Variants in XRN1 observed in about 807,000 individuals in gnomAD.
XRN1 encodes 5'-3' exoribonuclease 1.
Under a neutral mutation model 222.3 loss-of-function variants are expected in XRN1, and 67 were observed. The ratio of observed to expected loss-of-function variants is 0.30; its 90% confidence interval spans 0.25 to 0.37. The LOEUF (loss-of-function observed/expected upper bound fraction) is 0.37, where lower values mean the gene tolerates loss of function less well. XRN1 is among the 10% of genes least tolerant of loss of function. The pLI is 1.00. For missense variants in XRN1, 1,707 were observed against 2,000.2 expected, an observed-to-expected ratio of 0.85 and a Z score of 2.80; for synonymous variants, 643 against 652.4, an observed-to-expected ratio of 0.99 and a Z score of 0.22.
intron 24 of XRN1, 109 bp from the exon 25 acceptor site, chr3:142,376,053 A>G: frequency 6.4e-6 from 9 of 1,396,990 alleles, no homozygotes; most frequent in Non-Finnish European, 8.3e-6. Flanking sequence ...CAATTCTTAG[A>G]AAAGCTCAGT....
At chr3:142,326,454 G>A (rs963391011) in intron 37 of XRN1, among the ~76,000 whole-genome samples, 6 of 152,068 alleles carry the variant, frequency 3.9e-5, no homozygotes, top group Admixed American at 3.3e-4. Context: ...TTCTTTTTCA[G>A]ATTGTTTGCT....
chr3:142,383,523 T>C, intron 21 of XRN1, 110 bp from the exon 22 acceptor site: 1 of 898,938 alleles, frequency 1.1e-6, no homozygotes, highest in African/African-American at 1.7e-5. Flanking sequence ...AATGTGAAGA[T>C]TTTTCTACAT....
At chr3:142,329,697 G>A in intron 36 of XRN1, 82 bp from the exon 37 acceptor site, 1 of 1,343,900 alleles carries the variant, frequency 7.4e-7, no homozygotes, top group Non-Finnish European at 9.9e-7. Context: ...TTTTATAGAA[G>A]AGCAAGCAGG....
Position 142,417,030 on chromosome 3 carries a change from A to T in XRN1, c.1436+110T>A. 5 of 805,520 alleles carry T rather than the reference A, an allele frequency of 6.2e-6. No homozygotes were observed. The South Asian group carries it at 1.1e-4, about 18-fold the overall frequency. The allele number at this position is 805,520 out of a possible 1,614,324, so 49.9% of individuals were successfully genotyped here. ...GGCAACAGAGTGAAAAAAAAAAAAA[A>T]AAAAAAATTACCATAAGTAGAAATA... is the stretch of plus-strand genomic sequence containing the variant. On this transcript the variant is annotated intron_variant, in intron 13 of 40. Transcript: ENST00000392981.
intron 1 of XRN1, among the ~76,000 whole-genome samples, chr3:142,437,283 A>T (rs1045434493): frequency 1.3e-5 from 2 of 152,156 alleles, no homozygotes; most frequent in Admixed American, 6.5e-5. Flanking sequence ...AACATCCAAA[A>T]TGTTTCTAGA....
At position 142,421,226 on chromosome 3, in the gene XRN1, C is replaced by T. The variant is rs1274658562; in HGVS notation, c.1036-73G>A. The stretch of plus-strand genomic sequence containing the variant: ...AGAAGAATACAAATCAAACTTAAAA[C>T]AGTGACTACTACTGGGGTATAGGAA... On this transcript the variant is annotated intron_variant, in intron 9 of 40. Coordinates refer to ENST00000392981, the MANE Select transcript of XRN1 (RefSeq NM_001282857.2). The T allele has an allele frequency of 5.9e-6, 8 of 1,353,102 alleles. No homozygotes were observed. In the Admixed American group the frequency reaches 8.6e-5, roughly 14 times the overall value. The allele number at this position is 1,353,102 out of a possible 1,614,324, so 83.8% of individuals were successfully genotyped here.
rs79175830 is a variant in XRN1, at chr3:142,314,661, T to C, written c.4622-1903A>G. 3.9e-5 allele frequency among the ~76,000 whole-genome samples: 6 copies of C among 151,996 alleles called. No homozygotes were observed. The East Asian group carries it at 1.2e-3, about 30-fold the overall frequency. On this transcript the variant is annotated intron_variant, in intron 39 of 40. Transcript: ENST00000392981. ...GGCTCATGCCTGTAATCCTGGCACT[T>C]TGGGATGCCGAGGCTGGCGGATCCC...
In XRN1 at chr3:142,393,290, A is replaced by G. The variant is rs1326653820; in HGVS notation, c.2339+4039T>C. Among the ~76,000 whole-genome samples, 3 of 149,464 alleles carry G rather than the reference A, an allele frequency of 2.0e-5. No individual in the cohort carries two copies. The East Asian group carries it at 5.8e-4, about 29-fold the overall frequency. ...TTTTGTAGGTCGCCTGTTCACTCTG[A>G]TGGTAGTTTCTTTTGCTGTGCAGAA... On this transcript the variant is annotated intron_variant, in intron 20 of 40. Transcript: ENST00000392981.
intron 29 of XRN1, among the ~76,000 whole-genome samples, chr3:142,360,915 C>G (rs2066609012): frequency 6.7e-6 from 1 of 150,316 alleles, no homozygotes; most frequent in South Asian, 2.1e-4. Flanking sequence ...AACAGCCTTA[C>G]TGAGGTATAA....
rs1559883061 is a variant in XRN1, at chr3:142,434,495, A to ATTTTTTTTTTACACTTTTTTT, written c.76-1603_76-1602insAAAAAAAGTGTAAAAAAAAAA. ...GCCTCAGCATCAACGACTTGATCAA[A>ATTTTTTTTTTACACTTTTTTT]TTTTTTTTTTTACACTTTTTTTTTT... On this transcript the variant is annotated intron_variant, in intron 1 of 40. Transcript: ENST00000392981. 1.1e-3 allele frequency among the ~76,000 whole-genome samples: 164 copies of ATTTTTTTTTTACACTTTTTTT among 143,400 alleles called. 2 individuals are homozygous for ATTTTTTTTTTACACTTTTTTT. Among genetic ancestry groups the ATTTTTTTTTTACACTTTTTTT allele is most frequent in the African/African-American group, 3.9e-3 (150 of 38,508 alleles). 94.1% of individuals were successfully genotyped at this position (143,400 alleles called of 152,430 possible).
At chr3:142,365,276 G>A in intron 28 of XRN1, 34 bp downstream of exon 28, 2 of 1,581,780 alleles carry the variant, frequency 1.3e-6, no homozygotes, top group Admixed American at 1.8e-5. Flanking sequence ...CAAAGTGAAA[G>A]CAACAACTCT....
At chr3:142,377,268 C>T (rs991282400) in intron 23 of XRN1, among the ~76,000 whole-genome samples, 1 of 148,360 alleles carries the variant, frequency 6.7e-6, no homozygotes, top group Non-Finnish European at 1.5e-5. Context: ...AACCAGGAAG[C>T]AAATGATTCA....
rs200279252 is a variant in XRN1 at position 142,380,188 on chromosome 3, GA to G, written c.2617-9del. The G allele has an allele frequency of 2.5e-5, 40 of 1,593,932 alleles. No homozygotes were observed. Among genetic ancestry groups the G allele is most frequent in the South Asian group, 4.5e-5 (4 of 88,678 alleles). On this transcript the variant is annotated splice_polypyrimidine_tract_variant and intron_variant, in intron 22 of 40. Transcript: ENST00000392981. Reference sequence around the variant, plus strand: ...ATCACCTGAATCCTGAACCTTAGAAGAAAAAAAAATCACAGTATAGTCTCTT... The same window carrying G: ...ATCACCTGAATCCTGAACCTTAGAAGAAAAAAAATCACAGTATAGTCTCTT...
intron 30 of XRN1, 151 bp from the exon 31 acceptor site, chr3:142,357,270 G>A: frequency 1.4e-6 from 1 of 708,828 alleles, no homozygotes; most frequent in Non-Finnish European, 2.3e-6. Flanking sequence ...CACAGCAATA[G>A]CTCAATTTAT....
At chr3:142,429,005 A>C (rs962174928) in intron 2 of XRN1, among the ~76,000 whole-genome samples, 3 of 152,204 alleles carry the variant, frequency 2.0e-5, no homozygotes, top group African/African-American at 7.2e-5. Flanking sequence ...AAGGAGACTA[A>C]GAAAGTACAA....
At chr3:142,438,190 T>C (rs893231372) in intron 1 of XRN1, among the ~76,000 whole-genome samples, 6 of 152,182 alleles carry the variant, frequency 3.9e-5, no homozygotes, top group Admixed American at 1.3e-4. Context: ...ACCCCTTTCT[T>C]TGTGGTCAAG....
intron 2 of XRN1, among the ~76,000 whole-genome samples, chr3:142,431,013 A>C (rs1203973776): frequency 6.6e-6 from 1 of 152,182 alleles, no homozygotes; most frequent in East Asian, 1.9e-4. Context: ...CTTTCTGCCC[A>C]ATCTGGACTT....
At chr3:142,320,102 T>C (rs991646767) in intron 37 of XRN1, among the ~76,000 whole-genome samples, 3 of 152,210 alleles carry the variant, frequency 2.0e-5, no homozygotes, top group African/African-American at 7.2e-5. Flanking sequence ...GAAGTGAGAT[T>C]GCTGGATTAA....
At position 142,380,501 on chromosome 3, in the gene XRN1, T is replaced by C. The variant is rs892600596; in HGVS notation, c.2617-321A>G. On this transcript the variant is annotated intron_variant, in intron 22 of 40. Transcript: ENST00000392981. Reference sequence around the variant, plus strand: ...CAGACGAGATCAGGTGCGTTCAGGGTGGTATGGCCGTAGACAGGATCTCGC... The same window carrying C: ...CAGACGAGATCAGGTGCGTTCAGGGCGGTATGGCCGTAGACAGGATCTCGC... Among the ~76,000 whole-genome samples the C allele has an allele frequency of 5.3e-5, 8 of 152,168 alleles. No homozygotes were observed. The East Asian group carries it at 1.4e-3, about 26-fold the overall frequency.
Sources: gnomAD v4.1 joint callset for allele counts (sites outside exome capture counted in the v4.1 genomes callset) on GRCh38, gnomAD v4.1.1 for gene constraint, MANE v1.5 for transcripts, NCBI Gene and HGNC (gene_info 2026-07-23, HGNC 2026-07-21) for gene names.